CNTNAP5: variants seen among roughly 807,000 people sequenced by gnomAD.
The protein encoded by CNTNAP5 is contactin-associated protein-like 5.
A neutral mutation model predicts 150.2 loss-of-function variants in CNTNAP5; 72 were observed. That is an observed-to-expected ratio of 0.48 (90% CI 0.40 to 0.58). The LOEUF (loss-of-function observed/expected upper bound fraction) is 0.58, where lower values mean the gene tolerates loss of function less well. CNTNAP5 is among the 20% of genes least tolerant of loss of function. The pLI is 0.00. For missense variants in CNTNAP5, 1,636 were observed against 1,626.2 expected, an observed-to-expected ratio of 1.01 and a Z score of -0.10; for synonymous variants, 672 against 619.8, an observed-to-expected ratio of 1.08 and a Z score of -1.25.
At chr2:124,312,756 G>C (rs1363083041) in intron 3 of CNTNAP5, among the ~76,000 whole-genome samples, 1 of 152,180 alleles carries the variant, frequency 6.6e-6, no homozygotes, top group Admixed American at 6.5e-5. Flanking sequence ...ATTTTTAGTA[G>C]AGACGGGGTT....
At chr2:124,204,668 C>T (rs1372685952) in intron 1 of CNTNAP5, among the ~76,000 whole-genome samples, 1 of 152,230 alleles carries the variant, frequency 6.6e-6, no homozygotes, top group African/African-American at 2.4e-5. Context: ...GTACATCTTA[C>T]ATGGTGGAAG....
intron 19 of CNTNAP5, among the ~76,000 whole-genome samples, chr2:124,851,846 G>A (rs2104704044): frequency 6.6e-6 from 1 of 152,322 alleles, no homozygotes; most frequent in East Asian, 1.9e-4. Context: ...CAGTGTGCAT[G>A]GTTTGTGTTT....
chr2:124,344,659 G>A (rs533870978), intron 3 of CNTNAP5, among the ~76,000 whole-genome samples: 78 of 152,280 alleles, frequency 5.1e-4, no homozygotes, highest in African/African-American at 1.9e-3. Flanking sequence ...AGGAGGCTAA[G>A]GCAGGAGGAT....
At chr2:124,152,622 G>C (rs970626447) in intron 1 of CNTNAP5, among the ~76,000 whole-genome samples, 5 of 152,104 alleles carry the variant, frequency 3.3e-5, no homozygotes, top group Non-Finnish European at 7.4e-5. Context: ...AGCATGTGGA[G>C]GGACATGGGC....
intron 3 of CNTNAP5, among the ~76,000 whole-genome samples, chr2:124,377,397 C>T (rs1360330893): frequency 6.6e-6 from 1 of 152,000 alleles, no homozygotes; most frequent in Non-Finnish European, 1.5e-5. Flanking sequence ...TTATTAGGAG[C>T]TACCAGTAAT....
chr2:124,910,606 A>T (rs572663716), intron 22 of CNTNAP5, among the ~76,000 whole-genome samples: 1 of 151,964 alleles, frequency 6.6e-6, no homozygotes, highest in East Asian at 2.0e-4. Context: ...CAGTAGTTGG[A>T]TAGCTTTGGT....
chr2:124,888,856 G>A (rs1008921515), intron 21 of CNTNAP5, among the ~76,000 whole-genome samples: 4 of 151,868 alleles, frequency 2.6e-5, no homozygotes, highest in African/African-American at 4.8e-5. Flanking sequence ...TTTGTCAGAT[G>A]CATAGTTTGC....
At chr2:124,408,363 G>C (rs566837005) in intron 3 of CNTNAP5, among the ~76,000 whole-genome samples, 37 of 152,250 alleles carry the variant, frequency 2.4e-4, no homozygotes, top group African/African-American at 3.9e-4. Context: ...CGGGAAGCTC[G>C]GACTGGGTGG....
chr2:124,848,136 C>G (rs1258028117), intron 19 of CNTNAP5, among the ~76,000 whole-genome samples: 1 of 152,154 alleles, frequency 6.6e-6, no homozygotes, highest in Admixed American at 6.5e-5. Context: ...ATTGCCTGAA[C>G]TTGTTCACTT....
intron 12 of CNTNAP5, among the ~76,000 whole-genome samples, chr2:124,612,080 A>G (rs896453568): frequency 2.0e-5 from 3 of 152,202 alleles, no homozygotes; most frequent in African/African-American, 7.2e-5. Flanking sequence ...GATATGTTCT[A>G]TTACATACAT....
chr2:124,084,718 A>T (rs180894896), intron 1 of CNTNAP5, among the ~76,000 whole-genome samples: 6 of 152,158 alleles, frequency 3.9e-5, no homozygotes, highest in Admixed American at 3.9e-4. Flanking sequence ...TATTCATTAA[A>T]TACAAAAAAA....
At chr2:124,375,793 T>G (rs1690634180) in intron 3 of CNTNAP5, among the ~76,000 whole-genome samples, 1 of 152,014 alleles carries the variant, frequency 6.6e-6, no homozygotes, top group Non-Finnish European at 1.5e-5. Context: ...CAAAAAAAAG[T>G]TAAAAAACTA....
chr2:124,586,102 C>T (rs1266921895), intron 11 of CNTNAP5, among the ~76,000 whole-genome samples: 1 of 152,134 alleles, frequency 6.6e-6, no homozygotes, highest in Non-Finnish European at 1.5e-5. Flanking sequence ...TAGGACTTCT[C>T]ATATATACTA....
At chr2:124,479,773 A>G (rs1300617674) in intron 7 of CNTNAP5, among the ~76,000 whole-genome samples, 2 of 152,164 alleles carry the variant, frequency 1.3e-5, no homozygotes, top group Non-Finnish European at 2.9e-5. Flanking sequence ...CCTCAATAAA[A>G]TCATAATTGA....
At chr2:124,659,753 T>C (rs772274634) in intron 13 of CNTNAP5, among the ~76,000 whole-genome samples, 1 of 152,194 alleles carries the variant, frequency 6.6e-6, no homozygotes, top group Non-Finnish European at 1.5e-5. Flanking sequence ...TATGTACATG[T>C]GAGCAAGGTA....
intron 13 of CNTNAP5, among the ~76,000 whole-genome samples, chr2:124,720,869 A>C (rs371524215): frequency 6.6e-6 from 1 of 152,194 alleles, no homozygotes; most frequent in African/African-American, 2.4e-5. Flanking sequence ...ATTTCATTGG[A>C]TCAGACGGAG....
At chr2:124,235,468 T>C (rs1558813186) in intron 2 of CNTNAP5, among the ~76,000 whole-genome samples, 1 of 151,558 alleles carries the variant, frequency 6.6e-6, no homozygotes, top group Non-Finnish European at 1.5e-5. Flanking sequence ...TCAGAAGCTC[T>C]CAATTAATAC....
chr2:124,843,921 G>A (rs1271569747), intron 19 of CNTNAP5, among the ~76,000 whole-genome samples: 7 of 152,064 alleles, frequency 4.6e-5, no homozygotes, highest in Admixed American at 3.9e-4. Flanking sequence ...TTTTTCAGAT[G>A]TATAGATTGT....
chr2:124,701,478 T>G (rs1679520008), intron 13 of CNTNAP5, among the ~76,000 whole-genome samples: 4 of 152,186 alleles, frequency 2.6e-5, no homozygotes, highest in Admixed American at 2.6e-4. Flanking sequence ...ATAATGCTGC[T>G]GTAAGCATGG....
Sources: gnomAD v4.1 joint callset for allele counts (sites outside exome capture counted in the v4.1 genomes callset) on GRCh38, gnomAD v4.1.1 for gene constraint, MANE v1.5 for transcripts, NCBI Gene and HGNC (gene_info 2026-07-23, HGNC 2026-07-21) for gene names.